The following KCNIP1 variants were observed in gnomAD, a reference collection of about 807,000 sequenced individuals.
KCNIP1 encodes A-type potassium channel modulatory protein KCNIP1.
Under a neutral mutation model 33.0 loss-of-function variants are expected in KCNIP1, and 18 were observed. The observed-to-expected ratio is 0.55, with a 90% CI of 0.38 to 0.81. KCNIP1 has a LOEUF of 0.81. Among genes scored for constraint, KCNIP1 ranks in the 30% least tolerant of loss-of-function variants. The probability of loss-of-function intolerance (pLI) is 0.00; values close to 1 mark genes in which losing one functional copy is unlikely to be tolerated. For missense variants in KCNIP1, 238 were observed against 271.6 expected, an observed-to-expected ratio of 0.88 and a Z score of 0.87; for synonymous variants, 93 against 98.3, an observed-to-expected ratio of 0.95 and a Z score of 0.32.
At chr5:170,467,157 T>C (rs1756625174) in intron 1 of KCNIP1, among the ~76,000 whole-genome samples, 1 of 152,154 alleles carries the variant, frequency 6.6e-6, no homozygotes, top group Non-Finnish European at 1.5e-5. Flanking sequence ...GAAATGAAGA[T>C]ACCCAGTGTA....
intron 1 of KCNIP1, among the ~76,000 whole-genome samples, chr5:170,642,751 G>A (rs1041887053): frequency 2.6e-5 from 4 of 152,206 alleles, no homozygotes; most frequent in African/African-American, 9.7e-5. Context: ...GGGTAAACCT[G>A]GGAGAGTTGA....
intron 1 of KCNIP1, among the ~76,000 whole-genome samples, chr5:170,661,912 T>G (rs1256865359): frequency 6.6e-6 from 1 of 152,162 alleles, no homozygotes; most frequent in East Asian, 1.9e-4. Context: ...CCTCTCAATG[T>G]GTACAACATA....
At chr5:170,439,108 A>T (rs547034609) in intron 1 of KCNIP1, among the ~76,000 whole-genome samples, 1 of 152,300 alleles carries the variant, frequency 6.6e-6, no homozygotes, top group Middle Eastern at 3.4e-3. Flanking sequence ...AGGAGAAAAA[A>T]ACAATCAGTT....
intron 1 of KCNIP1, among the ~76,000 whole-genome samples, chr5:170,663,841 G>T (rs934084365): frequency 6.6e-6 from 1 of 151,742 alleles, no homozygotes; most frequent in East Asian, 1.9e-4. Flanking sequence ...TCTCTGCACC[G>T]CTCCCAACTG....
chr5:170,385,207 C>T (rs1764414740), intron 1 of KCNIP1: 5 of 1,263,222 alleles, frequency 4.0e-6, no homozygotes, highest in South Asian at 2.5e-5. Context: ...ACCCTGCTGC[C>T]TTGAATGAGG....
intron 1 of KCNIP1, among the ~76,000 whole-genome samples, chr5:170,611,709 G>T (rs1397505254): frequency 6.6e-6 from 1 of 152,094 alleles, no homozygotes; most frequent in Admixed American, 6.5e-5. Flanking sequence ...TGACCTAATC[G>T]TTTTCAGAGG....
At chr5:170,367,662 C>T (rs1053329466) in intron 1 of KCNIP1, among the ~76,000 whole-genome samples, 15 of 152,322 alleles carry the variant, frequency 9.8e-5, no homozygotes, top group East Asian at 7.7e-4. Flanking sequence ...GTCCCAGTCT[C>T]GAGCCTTGTT....
intron 1 of KCNIP1, among the ~76,000 whole-genome samples, chr5:170,574,032 G>A (rs1313278061): frequency 1.3e-5 from 2 of 152,184 alleles, no homozygotes; most frequent in Non-Finnish European, 2.9e-5. Context: ...TGGGACCCCC[G>A]ATACCCAGAA....
At chr5:170,543,868 A>G (rs1023700264) in intron 1 of KCNIP1, among the ~76,000 whole-genome samples, 4 of 152,190 alleles carry the variant, frequency 2.6e-5, no homozygotes, top group Non-Finnish European at 4.4e-5. Flanking sequence ...CTCTTCATCA[A>G]TTTCCTTTGA....
At chr5:170,505,910 C>T (rs1754697663) in intron 1 of KCNIP1, among the ~76,000 whole-genome samples, 1 of 152,214 alleles carries the variant, frequency 6.6e-6, no homozygotes, top group African/African-American at 2.4e-5. Context: ...ACATGTCCTG[C>T]TGGCAAGGAA....
At chr5:170,618,675 A>G (rs2113636932) in intron 1 of KCNIP1, among the ~76,000 whole-genome samples, 1 of 152,208 alleles carries the variant, frequency 6.6e-6, no homozygotes, top group South Asian at 2.1e-4. Context: ...CTCACTTAAT[A>G]TGTGTGATTT....
intron 1 of KCNIP1, among the ~76,000 whole-genome samples, chr5:170,563,198 G>T (rs561188766): frequency 5.2e-4 from 79 of 152,290 alleles, no homozygotes; most frequent in African/African-American, 1.9e-3. Flanking sequence ...TACTGATTTG[G>T]CAGGCGCTGC....
chr5:170,618,462 AAAAG>A (rs1203371519), intron 1 of KCNIP1, among the ~76,000 whole-genome samples: 1 of 135,110 alleles, frequency 7.4e-6, no homozygotes, highest in East Asian at 2.3e-4. Context: ...AGGAAAGAAG[AAAAG>A]AAAGGAAAGA....
intron 1 of KCNIP1, among the ~76,000 whole-genome samples, chr5:170,679,940 C>T (rs193121809): frequency 1.6e-4 from 24 of 151,934 alleles, no homozygotes; most frequent in Admixed American, 4.6e-4. Flanking sequence ...TATATTTGTG[C>T]GCATATGTAG....
At chr5:170,727,487 G>A (rs1764050926) in intron 5 of KCNIP1, among the ~76,000 whole-genome samples, 1 of 152,136 alleles carries the variant, frequency 6.6e-6, no homozygotes, top group Non-Finnish European at 1.5e-5. Flanking sequence ...TTTATTTGTT[G>A]AAAAACTTGG....
intron 1 of KCNIP1, among the ~76,000 whole-genome samples, chr5:170,444,532 T>G (rs996238522): frequency 6.6e-6 from 1 of 152,182 alleles, no homozygotes; most frequent in African/African-American, 2.4e-5. Context: ...GGTAACATAC[T>G]CACAGGCATA....
intron 1 of KCNIP1, among the ~76,000 whole-genome samples, chr5:170,458,059 A>T (rs931347129): frequency 1.3e-5 from 2 of 152,186 alleles, no homozygotes; most frequent in Admixed American, 6.5e-5. Context: ...GGCTCTGGAA[A>T]CTCTCAGCAA....
chr5:170,657,212 T>C (rs910325525), intron 1 of KCNIP1, among the ~76,000 whole-genome samples: 1 of 152,022 alleles, frequency 6.6e-6, no homozygotes, highest in Non-Finnish European at 1.5e-5. Context: ...GCCACGCTGG[T>C]CTTGAACTCC....
intron 1 of KCNIP1, among the ~76,000 whole-genome samples, chr5:170,493,720 C>T (rs150001138): frequency 1.4e-3 from 212 of 152,314 alleles, no homozygotes; most frequent in African/African-American, 4.6e-3. Context: ...AATTCTGATT[C>T]ATCTTTCAGG....
Sources: allele counts gnomAD v4.1 joint callset (sites outside exome capture counted in the v4.1 genomes callset), GRCh38; gene constraint gnomAD v4.1.1; transcripts MANE v1.5; gene names NCBI Gene and HGNC (gene_info 2026-07-23, HGNC 2026-07-21).